MTSS1: variants seen among roughly 807,000 people sequenced by gnomAD.
The protein encoded by MTSS1 is protein MTSS 1.
Under a neutral mutation model 79.0 loss-of-function variants are expected in MTSS1, and 18 were observed. That is an observed-to-expected ratio of 0.23 (90% CI 0.16 to 0.34). MTSS1 has a LOEUF of 0.34. MTSS1 is among the 10% of genes least tolerant of loss of function. The pLI is 1.00. For missense variants in MTSS1, 815 were observed against 986.2 expected (o/e 0.83, Z 2.33); for synonymous variants, 341 against 368.6 (o/e 0.93, Z 0.86).
chr8:124,704,799 T>C (rs758389785), intron 1 of MTSS1, among the ~76,000 whole-genome samples: 7 of 152,168 alleles, frequency 4.6e-5, no homozygotes, highest in Non-Finnish European at 1.0e-4. Context: ...TCCTTGATGT[T>C]CATGTAGTTC....
intron 3 of MTSS1, among the ~76,000 whole-genome samples, chr8:124,669,811 A>G (rs1210345170): frequency 1.3e-5 from 2 of 152,304 alleles, no homozygotes; most frequent in South Asian, 4.1e-4. Context: ...TAGCTACAGA[A>G]CACTAGAGGA....
At chr8:124,698,472 G>T (rs1200095052) in intron 3 of MTSS1, among the ~76,000 whole-genome samples, 1 of 150,084 alleles carries the variant, frequency 6.7e-6, no homozygotes, top group Non-Finnish European at 1.5e-5. Flanking sequence ...TAGGGTAATT[G>T]TCTGTTACTG....
Position 124,692,527 on chromosome 8 carries a change from G to A in MTSS1, c.208+6999C>T, listed in dbSNP as rs1587837293. On this transcript the variant is annotated intron_variant, in intron 3 of 13. Coordinates refer to ENST00000518547, the MANE Select transcript of MTSS1 (RefSeq NM_014751.6). ...TAAAATAAAACTCAGGAGCAAACAA[G>A]AGCAGTCTGGCTGGAGCCAGGAAAC... Among the ~76,000 whole-genome samples, 3 of 152,264 alleles carry A rather than the reference G, an allele frequency of 2.0e-5. No homozygotes were observed. The East Asian group carries it at 5.8e-4, about 29-fold the overall frequency.
chr8:124,657,700 A>G (rs1821229378), intron 3 of MTSS1, among the ~76,000 whole-genome samples: 1 of 152,228 alleles, frequency 6.6e-6, no homozygotes, highest in South Asian at 2.1e-4. Flanking sequence ...TAACCAGGAT[A>G]CAGGGACCTT....
At chr8:124,627,683 C>T (rs1814983822) in intron 3 of MTSS1, among the ~76,000 whole-genome samples, 1 of 152,090 alleles carries the variant, frequency 6.6e-6, no homozygotes. Flanking sequence ...CGGGGGGGTC[C>T]CCCAGGGATC....
rs527730364 is a variant in MTSS1, at chr8:124,713,967, G to C, written c.73-9776C>G. 5.9e-5 allele frequency among the ~76,000 whole-genome samples: 9 copies of C among 152,128 alleles called. No individual in the cohort carries two copies. The South Asian group carries it at 1.7e-3, about 28-fold the overall frequency. ...TTGCCATGTTGCCCAGGCTGGTCTC[G>C]AACTCCTGGATTCAAGTCATCTGCC... On this transcript the variant is annotated intron_variant, in intron 1 of 13. Coordinates refer to ENST00000518547, the MANE Select transcript of MTSS1 (RefSeq NM_014751.6).
intron 2 of MTSS1, among the ~76,000 whole-genome samples, chr8:124,700,252 G>C (rs1829522777): frequency 6.6e-6 from 1 of 152,172 alleles, no homozygotes. Context: ...ATAAGTGGTA[G>C]AGGTGAAATT....
chr8:124,649,134 C>T (rs1420239474), intron 3 of MTSS1, among the ~76,000 whole-genome samples: 1 of 152,274 alleles, frequency 6.6e-6, no homozygotes, highest in Non-Finnish European at 1.5e-5. Flanking sequence ...AAATCCGGCC[C>T]ACTGCCTGTT....
At chr8:124,568,023 G>A (rs1826904673) in intron 7 of MTSS1, 1 of 1,183,278 alleles carries the variant, frequency 8.5e-7, no homozygotes, top group Non-Finnish European at 1.1e-6. Flanking sequence ...AGACGACTGG[G>A]TCCCCACCCC....
chr8:124,685,021 T>C (rs1420573143), intron 3 of MTSS1, among the ~76,000 whole-genome samples: 1 of 152,140 alleles, frequency 6.6e-6, no homozygotes, highest in African/African-American at 2.4e-5. Flanking sequence ...GAGTATGAGA[T>C]TTTTGTGTGT....
At chr8:124,721,147 G>A (rs1029830995) in intron 1 of MTSS1, among the ~76,000 whole-genome samples, 3 of 152,028 alleles carry the variant, frequency 2.0e-5, no homozygotes, top group East Asian at 1.9e-4. Flanking sequence ...TGTTCCGTAC[G>A]GTAGCTACTA....
At chr8:124,569,618 A>T (rs1827300929) in intron 6 of MTSS1, among the ~76,000 whole-genome samples, 1 of 152,210 alleles carries the variant, frequency 6.6e-6, no homozygotes, top group Non-Finnish European at 1.5e-5. Flanking sequence ...TATCACTCAA[A>T]CCAGAGAGAT....
chr8:124,689,221 A>G (rs995939394), intron 3 of MTSS1, among the ~76,000 whole-genome samples: 1 of 152,114 alleles, frequency 6.6e-6, no homozygotes, highest in Non-Finnish European at 1.5e-5. Context: ...TAGCTTTCAC[A>G]TTTTGTGCGT....
chr8:124,653,850 G>C (rs775067251), intron 3 of MTSS1, among the ~76,000 whole-genome samples: 39 of 152,332 alleles, frequency 2.6e-4, no homozygotes, highest in Non-Finnish European at 3.8e-4. Context: ...TGAGGCTGCT[G>C]GGAGATGCCT....
chr8:124,692,204 A>G (rs1828049546), intron 3 of MTSS1, among the ~76,000 whole-genome samples: 1 of 151,584 alleles, frequency 6.6e-6, no homozygotes, highest in Non-Finnish European at 1.5e-5. Context: ...ATTTTTTTGT[A>G]TTTTTAGTAG....
At chr8:124,586,767 T>C (rs1450326535) in intron 5 of MTSS1, among the ~76,000 whole-genome samples, 3 of 152,186 alleles carry the variant, frequency 2.0e-5, no homozygotes, top group Admixed American at 6.5e-5. Flanking sequence ...GGCCGGACAA[T>C]GGGTCTCAAT....
In MTSS1 at chr8:124,721,948, C is replaced by A. The variant is rs572362088; in HGVS notation, c.72+5936G>T. On this transcript the variant is annotated intron_variant, in intron 1 of 13. Coordinates refer to ENST00000518547, the MANE Select transcript of MTSS1 (RefSeq NM_014751.6). ...CGCCTTCTGGTGAGACCCATTCCCACGGCCCTTGGAGCCCCTGTCGCATAG... is the reference window on the plus strand; with the variant it reads ...CGCCTTCTGGTGAGACCCATTCCCAAGGCCCTTGGAGCCCCTGTCGCATAG... 2.0e-5 allele frequency among the ~76,000 whole-genome samples: 3 copies of A among 152,278 alleles called. No homozygotes were observed. In the South Asian group the frequency reaches 6.2e-4, roughly 32 times the overall value.
At chr8:124,603,116 C>T (rs533756086) in intron 3 of MTSS1, among the ~76,000 whole-genome samples, 149 of 152,346 alleles carry the variant, frequency 9.8e-4, no homozygotes, top group African/African-American at 3.4e-3. Flanking sequence ...ACCTACACCT[C>T]CCGGGTTCAA....
At chr8:124,567,557 A>T in intron 7 of MTSS1, 1 of 1,302,480 alleles carries the variant, frequency 7.7e-7, no homozygotes, top group Non-Finnish European at 1.0e-6. Context: ...GGATGACACG[A>T]CTTGGATATA....
Sources: allele counts gnomAD v4.1 joint callset (sites outside exome capture counted in the v4.1 genomes callset), GRCh38; gene constraint gnomAD v4.1.1; transcripts MANE v1.5; gene names NCBI Gene and HGNC (gene_info 2026-07-23, HGNC 2026-07-21).